Variants in PPP2R2B observed in about 807,000 individuals in gnomAD.
PPP2R2B encodes the protein protein phosphatase 2 regulatory subunit Bbeta.
In PPP2R2B, 5 loss-of-function variants were observed where a neutral mutation model predicts 46.0. The observed-to-expected ratio is 0.11, with a 90% CI of 0.06 to 0.23. PPP2R2B has a LOEUF of 0.23. Ranked by LOEUF, PPP2R2B falls within the 10% of genes least tolerant of loss-of-function variation. The pLI, the probability that PPP2R2B is intolerant of heterozygous loss-of-function variation, is 1.00. For missense variants in PPP2R2B, 367 were observed against 575.0 expected (o/e 0.64, Z 3.70); for synonymous variants, 215 against 206.7 (o/e 1.04, Z -0.34).
At chr5:146,960,248 T>A (rs1225460980) in intron 1 of PPP2R2B, among the ~76,000 whole-genome samples, 1 of 152,150 alleles carries the variant, frequency 6.6e-6, no homozygotes, top group African/African-American at 2.4e-5. Context: ...CAAAAGGCAT[T>A]TCATCACTCA....
At chr5:146,697,402 T>A (rs999140208) in intron 4 of PPP2R2B, among the ~76,000 whole-genome samples, 3 of 152,220 alleles carry the variant, frequency 2.0e-5, no homozygotes, top group African/African-American at 7.2e-5. Flanking sequence ...CTCTCTGACC[T>A]ATTTATGTCA....
chr5:146,859,027 T>C (rs1760831634), intron 2 of PPP2R2B, among the ~76,000 whole-genome samples: 1 of 152,184 alleles, frequency 6.6e-6, no homozygotes, highest in Non-Finnish European at 1.5e-5. Flanking sequence ...TTTCCAAGAC[T>C]ATAAGATTTC....
At chr5:146,590,398 GTTTTTTTTT>G (rs1221281341) in intron 9 of PPP2R2B, among the ~76,000 whole-genome samples, 172 bp from the exon 10 acceptor site, 6 of 113,416 alleles carry the variant, frequency 5.3e-5, no homozygotes, top group African/African-American at 2.0e-4. Context: ...TTTTTTTTGT[GTTTTTTTTT>G]TTTTTTTTTG....
intron 5 of PPP2R2B, among the ~76,000 whole-genome samples, chr5:146,661,187 C>T (rs1038941465): frequency 9.2e-5 from 14 of 152,174 alleles, no homozygotes; most frequent in African/African-American, 1.4e-4. Context: ...TACTGGCATC[C>T]GTGTGCAGGA....
In PPP2R2B at chr5:146,995,878, G is replaced by T. The variant is rs539725179; in HGVS notation, c.79+59787C>A. 9.2e-5 allele frequency among the ~76,000 whole-genome samples: 14 copies of T among 152,308 alleles called. No homozygotes were observed. In the South Asian group the frequency reaches 1.7e-3, roughly 18 times the overall value. On this transcript the variant is annotated intron_variant, in intron 1 of 8. Coordinates refer to the PPP2R2B transcript ENST00000336640. The stretch of plus-strand genomic sequence containing the variant: ...CAGGAATAATTTATTACTGTTGGGT[G>T]TGCCAGAACTTCATAAGGTTTTCAA...
chr5:146,876,071 T>C (rs1236379142), intron 2 of PPP2R2B, among the ~76,000 whole-genome samples: 4 of 152,216 alleles, frequency 2.6e-5, no homozygotes, highest in Admixed American at 2.0e-4. Flanking sequence ...AATAAAGGTT[T>C]GTTAGTTTTG....
At chr5:146,815,075 G>T (rs1268155486) in intron 2 of PPP2R2B, among the ~76,000 whole-genome samples, 1 of 152,212 alleles carries the variant, frequency 6.6e-6, no homozygotes, top group Admixed American at 6.5e-5. Flanking sequence ...AGACATGGAA[G>T]CCATCTATCC....
At chr5:147,066,685 A>T (rs796697132) in intron 2 of PPP2R2B, among the ~76,000 whole-genome samples, 92 of 152,342 alleles carry the variant, frequency 6.0e-4, no homozygotes, top group African/African-American at 2.1e-3. Flanking sequence ...ACAAATAAGA[A>T]AGATATGGCC....
chr5:147,028,572 T>C (rs1216865822), intron 1 of PPP2R2B, among the ~76,000 whole-genome samples: 1 of 152,204 alleles, frequency 6.6e-6, no homozygotes, highest in East Asian at 1.9e-4. Context: ...CACAATTTAC[T>C]TGGTCATTCT....
chr5:146,992,678 C>G (rs1193510115), intron 1 of PPP2R2B, among the ~76,000 whole-genome samples: 1 of 152,220 alleles, frequency 6.6e-6, no homozygotes, highest in Non-Finnish European at 1.5e-5. Flanking sequence ...GCAGGGGGCT[C>G]TCATTACAAC....
intron 2 of PPP2R2B, among the ~76,000 whole-genome samples, chr5:147,079,615 C>T (rs2151914409): frequency 6.6e-6 from 1 of 151,888 alleles, no homozygotes; most frequent in Admixed American, 6.6e-5. Flanking sequence ...CACATGTTCT[C>T]AGTCATATCA....
In PPP2R2B at chr5:146,672,110, T is replaced by C. The variant is rs551526762; in HGVS notation, c.447+19018A>G. 2.0e-5 allele frequency among the ~76,000 whole-genome samples: 3 copies of C among 152,274 alleles called. No individual in the cohort carries two copies. The South Asian group carries it at 6.2e-4, about 32-fold the overall frequency. On this transcript the variant is annotated intron_variant, in intron 5 of 9. Transcript: ENST00000394411. ...TAATTTATTGATCGACAAGTAAGAA[T>C]GTGCCAAAAAGAAAGACATAGGGAA...
chr5:147,077,686 G>T (rs1209062362), intron 2 of PPP2R2B, among the ~76,000 whole-genome samples: 2 of 152,058 alleles, frequency 1.3e-5, no homozygotes, highest in African/African-American at 4.8e-5. Context: ...GTTGGCCAGG[G>T]AACCTCCATG....
intron 1 of PPP2R2B, among the ~76,000 whole-genome samples, chr5:147,029,033 T>A (rs1388148787): frequency 1.3e-5 from 2 of 152,208 alleles, no homozygotes; most frequent in African/African-American, 4.8e-5. Flanking sequence ...TAGTTCCTTA[T>A]AATCTGATGT....
intron 1 of PPP2R2B, among the ~76,000 whole-genome samples, chr5:146,971,523 C>T (rs1282646092): frequency 6.6e-6 from 1 of 152,148 alleles, no homozygotes; most frequent in Admixed American, 6.5e-5. Context: ...AAAGTTATTT[C>T]CAATCTTTTT....
At chr5:146,845,470 G>A (rs1759942318) in intron 2 of PPP2R2B, among the ~76,000 whole-genome samples, 1 of 151,858 alleles carries the variant, frequency 6.6e-6, no homozygotes, top group South Asian at 2.1e-4. Flanking sequence ...AGCCAGGATG[G>A]TCTTGATCTC....
chr5:146,910,380 G>A (rs1413688918), intron 1 of PPP2R2B, among the ~76,000 whole-genome samples: 1 of 152,238 alleles, frequency 6.6e-6, no homozygotes, highest in East Asian at 1.9e-4. Context: ...TGAGACAAGT[G>A]TAGTGCCTCA....
intron 2 of PPP2R2B, among the ~76,000 whole-genome samples, chr5:146,870,418 T>G (rs1761547546): frequency 6.6e-6 from 1 of 152,142 alleles, no homozygotes; most frequent in Non-Finnish European, 1.5e-5. Context: ...CTTTTCACAC[T>G]TGCACACAGG....
Position 146,789,982 on chromosome 5 carries a change from G to A in PPP2R2B, c.70+88020C>T, listed in dbSNP as rs573658617. On this transcript the variant is annotated intron_variant, in intron 2 of 9. Transcript: ENST00000394411. ...GGTAGAGGGGCAAAGTCTCAGGGAA[G>A]TTGACTGAAATGCAGAGGTAAAATG... Among the ~76,000 whole-genome samples the A allele has an allele frequency of 9.2e-5, 14 of 152,324 alleles. No homozygotes were observed. The East Asian group carries it at 1.9e-3, about 21-fold the overall frequency.
Sources: gnomAD v4.1 joint callset for allele counts (sites outside exome capture counted in the v4.1 genomes callset) on GRCh38, gnomAD v4.1.1 for gene constraint, MANE v1.5 for transcripts, NCBI Gene and HGNC (gene_info 2026-07-23, HGNC 2026-07-21) for gene names.